ZBTB8A: variants seen among roughly 807,000 people sequenced by gnomAD.
The protein encoded by ZBTB8A is zinc finger and BTB domain containing 8A.
In ZBTB8A, 19 loss-of-function variants were observed where a neutral mutation model predicts 37.8. The observed-to-expected ratio is 0.50, with a 90% CI of 0.35 to 0.74. The LOEUF (loss-of-function observed/expected upper bound fraction) is 0.74, where lower values mean the gene tolerates loss of function less well. ZBTB8A is among the 30% of genes least tolerant of loss of function. ZBTB8A has a pLI of 0.01. For missense variants in ZBTB8A, 394 were observed against 537.8 expected, an observed-to-expected ratio of 0.73 and a Z score of 2.65; for synonymous variants, 181 against 185.2, an observed-to-expected ratio of 0.98 and a Z score of 0.19.
At chr1:32,552,660 C>A (rs899494094) in intron 1 of ZBTB8A, among the ~76,000 whole-genome samples, 1 of 151,876 alleles carries the variant, frequency 6.6e-6, no homozygotes, top group African/African-American at 2.4e-5. Context: ...AGTGAGACTC[C>A]ATCTCAAAAA....
At chr1:32,571,118 C>T (rs1197640607) in intron 2 of ZBTB8A, among the ~76,000 whole-genome samples, 1 of 152,156 alleles carries the variant, frequency 6.6e-6, no homozygotes, top group Non-Finnish European at 1.5e-5. Flanking sequence ...TCAGGTGATC[C>T]ACCCACCCCA....
At chr1:32,570,496 A>C (rs1644315857) in intron 2 of ZBTB8A, among the ~76,000 whole-genome samples, 1 of 152,206 alleles carries the variant, frequency 6.6e-6, no homozygotes, top group Admixed American at 6.5e-5. Context: ...CTGTACGTCC[A>C]CTTGAATAGA....
At chr1:32,586,841 A>T (rs929723841) in intron 2 of ZBTB8A, among the ~76,000 whole-genome samples, 4 of 152,116 alleles carry the variant, frequency 2.6e-5, no homozygotes, top group Non-Finnish European at 5.9e-5. Context: ...TTGGATGATA[A>T]ACCATTGGAA....
rs146695968 is a variant in ZBTB8A, at chr1:32,593,371, G to A, written c.440G>A (p.Arg147His). Residue 147 changes from arginine to histidine, a missense_variant, in exon 3 of 5, where the codon CGT (arginine) becomes CAT (histidine). Arg to His is a conservative substitution (Grantham distance 29, BLOSUM62 0). Around this residue, in one of 4 missense-constraint regions of ZBTB8A, gnomAD observed 171 missense variants for 186.8 expected, o/e 0.92. Coordinates refer to ENST00000373510, the MANE Select transcript of ZBTB8A (RefSeq NM_001040441.3). ...DKDANSNGVERSSFYSGGWQE... is the reference protein window; with the variant it reads ...DKDANSNGVEHSSFYSGGWQE... ...GATGCCAATTCTAATGGTGTAGAAC[G>A]TTCCTCTTTTTATAGTGGTGGCTGG... The A allele has an allele frequency of 2.4e-5, 39 of 1,613,288 alleles. No homozygotes were observed. The East Asian group carries it at 6.0e-4, about 25-fold the overall frequency.
chr1:32,540,702 A>C (rs12126652), intron 1 of ZBTB8A, among the ~76,000 whole-genome samples: 6 of 152,150 alleles, frequency 3.9e-5, no homozygotes, highest in Non-Finnish European at 8.8e-5. Flanking sequence ...AAAATCCTCA[A>C]CAAGCTTCTG....
At chr1:32,553,842 C>T (rs1319697973) in intron 2 of ZBTB8A, among the ~76,000 whole-genome samples, 1 of 143,410 alleles carries the variant, frequency 7.0e-6, no homozygotes, top group Non-Finnish European at 1.5e-5. Flanking sequence ...ACCAAGATGG[C>T]ACCATTGCAC....
In ZBTB8A at chr1:32,550,298, A is replaced by G. The variant is rs1229133353; in HGVS notation, c.-83-3161A>G. 2.0e-5 allele frequency among the ~76,000 whole-genome samples: 3 copies of G among 152,090 alleles called. No homozygotes were observed. The South Asian group carries it at 6.2e-4, about 32-fold the overall frequency. ...TTCCATCAGCATGTAAAAATTGTTT[A>G]GGGCACAGACCATGCTCAGAAATCA... is the stretch of plus-strand genomic sequence containing the variant. On this transcript the variant is annotated intron_variant, in intron 1 of 4. Transcript: ENST00000373510.
chr1:32,580,762 G>A (rs929918858), intron 2 of ZBTB8A, among the ~76,000 whole-genome samples: 1 of 151,976 alleles, frequency 6.6e-6, no homozygotes, highest in Non-Finnish European at 1.5e-5. Context: ...CACAGACTGG[G>A]TAATTTATAA....
intron 2 of ZBTB8A, among the ~76,000 whole-genome samples, chr1:32,569,386 CTTTTTTTTTT>C (rs563715372): frequency 6.1e-5 from 5 of 82,280 alleles, no homozygotes; most frequent in East Asian, 7.3e-4. Flanking sequence ...TTTTCCTTTC[CTTTTTTTTTT>C]TTTTTTTTTT....
chr1:32,539,987 C>T (rs539127350), intron 1 of ZBTB8A, among the ~76,000 whole-genome samples: 29 of 151,352 alleles, frequency 1.9e-4, no homozygotes, highest in Non-Finnish European at 3.5e-4. Flanking sequence ...CAGGGCAGGG[C>T]CGGGGCCGGA....
At chr1:32,577,280 C>T (rs1644367581) in intron 2 of ZBTB8A, among the ~76,000 whole-genome samples, 1 of 151,958 alleles carries the variant, frequency 6.6e-6, no homozygotes, top group Non-Finnish European at 1.5e-5. Context: ...CTGCAATCTT[C>T]ACCTCCCAGG....
intron 1 of ZBTB8A, among the ~76,000 whole-genome samples, chr1:32,543,190 T>C (rs1046526342): frequency 9.9e-5 from 15 of 152,010 alleles, no homozygotes; most frequent in Non-Finnish European, 1.9e-4. Context: ...GTCAAGCAAT[T>C]CTCCTACCTC....
chr1:32,549,602 G>A (rs113133636), intron 1 of ZBTB8A, among the ~76,000 whole-genome samples: 13 of 152,206 alleles, frequency 8.5e-5, no homozygotes, highest in Admixed American at 2.0e-4. Context: ...TAGGCCATGC[G>A]CAGTGTAATC....
chr1:32,562,553 G>A (rs1465290895), intron 2 of ZBTB8A, among the ~76,000 whole-genome samples: 3 of 148,396 alleles, frequency 2.0e-5, no homozygotes, highest in African/African-American at 7.5e-5. Flanking sequence ...TTATAGGCCT[G>A]AGCCACCGCG....
chr1:32,541,806 G>A (rs1332360476), intron 1 of ZBTB8A, among the ~76,000 whole-genome samples: 3 of 152,152 alleles, frequency 2.0e-5, no homozygotes, highest in South Asian at 4.1e-4. Context: ...CATGAGGGCA[G>A]AGTCTTCGTG....
At chr1:32,565,926 G>T (rs1336343145) in intron 2 of ZBTB8A, among the ~76,000 whole-genome samples, 1 of 152,058 alleles carries the variant, frequency 6.6e-6, no homozygotes, top group Non-Finnish European at 1.5e-5. Flanking sequence ...TTCTGGCCGG[G>T]CACCGTGGCT....
chr1:32,554,677 C>G (rs1644186385), intron 2 of ZBTB8A, among the ~76,000 whole-genome samples: 1 of 151,924 alleles, frequency 6.6e-6, no homozygotes, highest in South Asian at 2.1e-4. Context: ...CTGGGTTTCA[C>G]CATGTTGGTC....
chr1:32,542,108 A>G (rs917723700), intron 1 of ZBTB8A, among the ~76,000 whole-genome samples: 2 of 152,192 alleles, frequency 1.3e-5, no homozygotes, highest in Admixed American at 1.3e-4. Flanking sequence ...AAGCTGAAGG[A>G]TCATTTATCC....
intron 2 of ZBTB8A, among the ~76,000 whole-genome samples, chr1:32,554,796 T>C (rs975867111): frequency 3.3e-5 from 5 of 152,110 alleles, no homozygotes; most frequent in Non-Finnish European, 7.4e-5. Flanking sequence ...TTTTTTAAAC[T>C]GGGATCCAGG....
Sources: allele counts gnomAD v4.1 joint callset (sites outside exome capture counted in the v4.1 genomes callset), GRCh38; gene constraint gnomAD v4.1.1; regional missense constraint gnomAD v4.1.1; transcripts MANE v1.5; gene names NCBI Gene and HGNC (gene_info 2026-07-23, HGNC 2026-07-21).